Variants in ANK1 observed in about 807,000 individuals in gnomAD.
ANK1 encodes ankyrin-1.
A neutral mutation model predicts 210.4 loss-of-function variants in ANK1; 51 were observed. The observed-to-expected ratio is 0.24, with a 90% CI of 0.19 to 0.31. The LOEUF is 0.31. ANK1 is among the 10% of genes least tolerant of loss of function. ANK1 has a pLI of 1.00. For synonymous variants in ANK1, 967 were observed against 1,025.9 expected (o/e 0.94, Z 1.10); for missense variants, 2,051 against 2,504.4 (o/e 0.82, Z 3.86).
chr8:41,708,748 C>A (rs981834615), intron 17 of ANK1, 30 bp downstream of exon 17: 2 of 1,611,686 alleles, frequency 1.2e-6, no homozygotes, highest in East Asian at 4.5e-5. Context: ...ATCCAGCACT[C>A]CAGGGCAGAT....
intron 42 of ANK1, among the ~76,000 whole-genome samples, chr8:41,656,353 C>A (rs560115567): frequency 6.6e-6 from 1 of 152,228 alleles, no homozygotes; most frequent in Non-Finnish European, 1.5e-5. Context: ...CTCTGGCCCA[C>A]AGCACTTCCT....
intron 37 of ANK1, 72 bp downstream of exon 37, chr8:41,684,472 A>G (rs772696094): frequency 8.2e-6 from 13 of 1,592,812 alleles, no homozygotes; most frequent in Middle Eastern, 1.6e-4. Flanking sequence ...TATTGTGGGA[A>G]GGGGTTATTG....
intron 1 of ANK1, among the ~76,000 whole-genome samples, chr8:41,782,179 C>G (rs754447614): frequency 6.6e-6 from 1 of 152,180 alleles, no homozygotes; most frequent in Non-Finnish European, 1.5e-5. Flanking sequence ...GCTGCCACAC[C>G]CCCTGCCATG....
intron 21 of ANK1, 100 bp downstream of exon 21, chr8:41,701,952 C>G (rs2839767): frequency 0.018 from 23,887 of 1,298,490 alleles, 458 homozygotes; most frequent in African/African-American, 0.088. Flanking sequence ...ACCCGCGTCC[C>G]GGAGCCCCAG....
chr8:41,890,565 C>T (rs1318291854), intron 1 of ANK1, among the ~76,000 whole-genome samples: 5 of 151,996 alleles, frequency 3.3e-5, no homozygotes, highest in Admixed American at 6.5e-5. Context: ...AAAAATTAGC[C>T]AGGCATGGTG....
intron 2 of ANK1, among the ~76,000 whole-genome samples, chr8:41,757,071 CAG>C (rs1231760876): frequency 2.0e-5 from 3 of 152,130 alleles, no homozygotes; most frequent in East Asian, 1.9e-4. Context: ...TTAAAGAGAA[CAG>C]AGTTTCAGTT....
chr8:41,718,972 T>A (rs1290228004), intron 10 of ANK1, among the ~76,000 whole-genome samples: 1 of 152,184 alleles, frequency 6.6e-6, no homozygotes, highest in Non-Finnish European at 1.5e-5. Context: ...AGTGAAAGCT[T>A]TTTTGAGCGA....
chr8:41,656,196 G>A (rs1170425527), intron 42 of ANK1, among the ~76,000 whole-genome samples: 1 of 152,252 alleles, frequency 6.6e-6, no homozygotes, highest in African/African-American at 2.4e-5. Context: ...GGCTAGGTGA[G>A]GCTAGGTGAG....
intron 2 of ANK1, among the ~76,000 whole-genome samples, chr8:41,753,827 G>T (rs190539853): frequency 6.6e-6 from 1 of 152,092 alleles, no homozygotes; most frequent in East Asian, 1.9e-4. Flanking sequence ...CTGGCTTCTC[G>T]TGCTGTCTGC....
At chr8:41,814,331 G>A (rs4737011) in intron 1 of ANK1, among the ~76,000 whole-genome samples, 2,262 of 149,130 alleles carry the variant, frequency 0.015, 54 homozygotes, top group Admixed American at 0.052. Context: ...CTGCACTCCA[G>A]CTTGGGCAAC....
chr8:41,774,640 G>C (rs558504121), intron 1 of ANK1, among the ~76,000 whole-genome samples: 1 of 152,248 alleles, frequency 6.6e-6, no homozygotes, highest in Non-Finnish European at 1.5e-5. Flanking sequence ...CCAAGGCAGC[G>C]AAGCAGACAG....
At chr8:41,891,562 C>T (rs1223229887) in intron 1 of ANK1, among the ~76,000 whole-genome samples, 1 of 152,222 alleles carries the variant, frequency 6.6e-6, no homozygotes, top group Non-Finnish European at 1.5e-5. Context: ...ATCTTCTCAG[C>T]CCTCAAGACC....
chr8:41,695,252 C>T lies in ANK1; in HGVS notation c.3040G>A (p.Gly1014Ser), dbSNP rs1020857894. ...CTCCTGTGCTCCTTCCACACGGAGC[C>T]GTTTTCGCTCCTCAGAACCACGAGC... Reference protein sequence around the residue: ...RELVVLRSENGSVWKEHRSRY... With the variant: ...RELVVLRSENSSVWKEHRSRY... The change falls in exon 27 of 43, where the codon GGC becomes AGC. Residue 1014 changes from glycine to serine, a missense_variant. By Grantham distance (56) the Gly-to-Ser change is moderately conservative. Coordinates refer to ENST00000289734, the MANE Select transcript of ANK1 (RefSeq NM_000037.4). 8.7e-6 allele frequency: 14 copies of T among 1,613,968 alleles called. No individual in the cohort carries two copies. The highest frequency in any genetic ancestry group is 1.1e-5 in the Non-Finnish European group (13 of 1,180,032).
At chr8:41,788,204 C>A (rs1563771039) in intron 1 of ANK1, among the ~76,000 whole-genome samples, 1 of 152,226 alleles carries the variant, frequency 6.6e-6, no homozygotes, top group Admixed American at 6.5e-5. Context: ...ATGTCGCCTC[C>A]TGTTTCTCTG....
intron 26 of ANK1, among the ~76,000 whole-genome samples, 158 bp downstream of exon 26, chr8:41,696,205 G>A (rs1455824852): frequency 6.6e-6 from 1 of 152,210 alleles, no homozygotes; most frequent in Non-Finnish European, 1.5e-5. Context: ...TCTGAGAGTT[G>A]TAAGCCCTCT....
At chr8:41,699,602 T>A in intron 22 of ANK1, 54 bp from the exon 23 acceptor site, 1 of 1,554,584 alleles carries the variant, frequency 6.4e-7, no homozygotes, top group Non-Finnish European at 8.9e-7. Flanking sequence ...AGAGTCCCTC[T>A]TTTTTTAAAA....
chr8:41,753,461 T>C (rs1838295038), intron 2 of ANK1, among the ~76,000 whole-genome samples: 1 of 151,904 alleles, frequency 6.6e-6, no homozygotes, highest in Non-Finnish European at 1.5e-5. Context: ...GGGGTTAACA[T>C]CTGGTGCAGC....
intron 1 of ANK1, among the ~76,000 whole-genome samples, chr8:41,895,909 C>G (rs377720869): frequency 1.3e-5 from 2 of 152,298 alleles, no homozygotes; most frequent in East Asian, 1.9e-4. Context: ...CTGCCCCCCC[C>G]CGGCCCGCTC....
intron 2 of ANK1, among the ~76,000 whole-genome samples, chr8:41,755,364 T>C (rs937278695): frequency 9.2e-5 from 14 of 152,342 alleles, no homozygotes; most frequent in African/African-American, 3.4e-4. Flanking sequence ...GAGCCCTGGC[T>C]CAAGTCTAAC....
Sources: gnomAD v4.1 joint callset for allele counts (sites outside exome capture counted in the v4.1 genomes callset) on GRCh38, gnomAD v4.1.1 for gene constraint, MANE v1.5 for transcripts, NCBI Gene and HGNC (gene_info 2026-07-23, HGNC 2026-07-21) for gene names.